The following PCM1 variants were observed in gnomAD, a reference collection of about 807,000 sequenced individuals.
PCM1 encodes pericentriolar material 1, also known as pericentriolar material 1 protein.
In PCM1, 157 loss-of-function variants were observed where a neutral mutation model predicts 241.9. The ratio of observed to expected loss-of-function variants is 0.65; its 90% CI spans 0.57 to 0.74. PCM1 has a LOEUF of 0.74. Ranked by LOEUF, PCM1 falls within the 30% of genes least tolerant of loss-of-function variation. PCM1 has a pLI of 0.00. For missense variants in PCM1, 3,478 were observed against 2,360.1 expected (o/e 1.47, Z -9.81); for synonymous variants, 1,085 against 784.9 (o/e 1.38, Z -6.39).
chr8:17,965,291 C>T lies in PCM1; in HGVS notation c.2855+523C>T, dbSNP rs147584505. Among the ~76,000 whole-genome samples the T allele has an allele frequency of 1.1e-3, 173 of 152,238 alleles. 1 individual carries two copies. The highest frequency in any genetic ancestry group is 2.0e-3 in the Non-Finnish European group (133 of 68,024). On this transcript the variant is annotated intron_variant, in intron 18 of 38. Transcript: ENST00000325083. ...TACGGTTTTTTAGGAGATTTCATTG[C>T]TTAAGCGCAATTGATAAAATTGTTG...
chr8:17,979,123 C>CAAAAG (rs1414458449), intron 23 of PCM1, among the ~76,000 whole-genome samples: 1 of 100,022 alleles, frequency 1.0e-5, no homozygotes, highest in Non-Finnish European at 2.0e-5. Flanking sequence ...GACTCAGTCT[C>CAAAAG]AAAAGAAAAG....
intron 7 of PCM1, among the ~76,000 whole-genome samples, chr8:17,949,087 T>C (rs966276024): frequency 5.3e-5 from 8 of 152,188 alleles, no homozygotes; most frequent in Admixed American, 3.3e-4. Flanking sequence ...TAATTTCTTT[T>C]TAAAAAATAC....
intron 2 of PCM1, among the ~76,000 whole-genome samples, chr8:17,933,080 A>C (rs1038570614): frequency 1.3e-5 from 2 of 152,178 alleles, no homozygotes; most frequent in African/African-American, 4.8e-5. Flanking sequence ...ATCTTTTTCA[A>C]ATCTGTTAGC....
At chr8:17,931,589 T>G (rs1333410696) in intron 2 of PCM1, among the ~76,000 whole-genome samples, 1 of 152,234 alleles carries the variant, frequency 6.6e-6, no homozygotes. Flanking sequence ...ATTACTTCAT[T>G]ATTCTATTAA....
intron 2 of PCM1, chr8:17,927,043 C>T (rs1257821051): frequency 1.3e-5 from 2 of 151,146 alleles, no homozygotes; most frequent in Admixed American, 1.3e-4. Context: ...ACAGGCATAT[C>T]TTGGATATTT....
intron 32 of PCM1, among the ~76,000 whole-genome samples, 164 bp from the exon 33 acceptor site, chr8:18,011,072 AC>A (rs1312476222): frequency 6.6e-6 from 1 of 152,192 alleles, no homozygotes; most frequent in African/African-American, 2.4e-5. Flanking sequence ...TCATCAAATG[AC>A]CTTTTTCCTG....
intron 23 of PCM1, among the ~76,000 whole-genome samples, chr8:17,973,564 C>T (rs1253631879): frequency 6.6e-6 from 1 of 151,850 alleles, no homozygotes; most frequent in Non-Finnish European, 1.5e-5. Flanking sequence ...ACTAAAAGTA[C>T]AAAAATTAGC....
At chr8:17,975,821 T>C (rs1414763517) in intron 23 of PCM1, among the ~76,000 whole-genome samples, 4 of 152,202 alleles carry the variant, frequency 2.6e-5, no homozygotes, top group Admixed American at 6.5e-5. Flanking sequence ...AAAATAGATA[T>C]TGCATATGAG....
At position 18,000,584 on chromosome 8, in the gene PCM1, G is replaced by A. The variant is rs577480879; in HGVS notation, c.4828-5679G>A. ...AATACGATTTACCAAAATGAAGAAGGCTTGGGAGAAGGGGGAGATGAAGAG... is the reference window on the plus strand; with the variant it reads ...AATACGATTTACCAAAATGAAGAAGACTTGGGAGAAGGGGGAGATGAAGAG... On this transcript the variant is annotated intron_variant, in intron 29 of 38. Transcript: ENST00000325083. Among the ~76,000 whole-genome samples, 28 of 150,868 alleles carry A rather than the reference G, an allele frequency of 1.9e-4. No individual in the cohort carries two copies. In the East Asian group the frequency reaches 2.9e-3, roughly 16 times the overall value.
At chr8:18,017,089 A>G (rs1174045638) in intron 36 of PCM1, among the ~76,000 whole-genome samples, 2 of 152,200 alleles carry the variant, frequency 1.3e-5, no homozygotes, top group African/African-American at 2.4e-5. Flanking sequence ...TCAGAAGAGT[A>G]TTGCCAACCC....
At position 17,957,748 on chromosome 8, in the gene PCM1, G is replaced by A. The variant is rs1198759189; in HGVS notation, c.2013G>A (p.Gln671=). Residue 671 remains glutamine, a synonymous_variant, in exon 13 of 39, where the codon CAG becomes CAA. Coordinates refer to ENST00000325083, the MANE Select transcript of PCM1 (RefSeq NM_006197.4). ...RLMAAKQKLR[Q]LQDLVAMVQD... ...TGGCTGCAAAACAGAAACTTAGACA[G>A]TTACAAGATCTTGTTGCTATGGTAC... 3 of 1,612,952 alleles carry A rather than the reference G, an allele frequency of 1.9e-6. No individual in the cohort carries two copies. Among genetic ancestry groups the A allele is most frequent in the African/African-American group, 2.7e-5 (2 of 74,908 alleles).
chr8:17,954,596 C>G (rs1325229702), intron 9 of PCM1, among the ~76,000 whole-genome samples: 1 of 152,068 alleles, frequency 6.6e-6, no homozygotes, highest in Admixed American at 6.5e-5. Context: ...AAAAGGTAGA[C>G]TCGTCAAGGA....
At chr8:18,018,988 G>C (rs2093538165) in intron 36 of PCM1, among the ~76,000 whole-genome samples, 1 of 150,102 alleles carries the variant, frequency 6.7e-6, no homozygotes, top group Admixed American at 6.7e-5. Context: ...GTCAATCCAA[G>C]ATTTCCTGCT....
Position 17,960,065 on chromosome 8 carries a change from G to T in PCM1, c.2092G>T (p.Asp698Tyr). 6.2e-7 allele frequency: 1 copy of T among 1,612,226 alleles called. No homozygotes were observed. The highest frequency in any genetic ancestry group is 8.5e-7 in the Non-Finnish European group (1 of 1,178,996). ...CTCTGCCAGTGCATCAAATTTGGAT[G>T]ATTTCTACCCAGCAGAAGAAGACAC... ...VISASASNLD[D>Y]FYPAEEDTKQ... is the part of the protein sequence containing the mutation. The change falls in exon 14 of 39, where the codon GAT (aspartate) becomes TAT (tyrosine). Residue 698 changes from aspartate to tyrosine, a missense_variant. By Grantham distance (160) the Asp-to-Tyr change is radical. Transcript: ENST00000325083.
chr8:17,928,440 A>G (rs1462978906), intron 2 of PCM1, among the ~76,000 whole-genome samples: 1 of 151,958 alleles, frequency 6.6e-6, no homozygotes, highest in Non-Finnish European at 1.5e-5. Flanking sequence ...ACATCTGCTA[A>G]GCAGCCTCCA....
intron 8 of PCM1, among the ~76,000 whole-genome samples, 167 bp from the exon 9 acceptor site, chr8:17,952,803 G>A (rs769702321): frequency 1.1e-4 from 16 of 152,018 alleles, no homozygotes; most frequent in Non-Finnish European, 1.5e-4. Context: ...TGGCATATCA[G>A]GAAACCGTAT....
chr8:17,996,280 C>G (rs1175854247), intron 29 of PCM1, among the ~76,000 whole-genome samples: 1 of 152,116 alleles, frequency 6.6e-6, no homozygotes, highest in Admixed American at 6.5e-5. Context: ...TTTTCAGCAT[C>G]AGTTAAAATG....
intron 23 of PCM1, among the ~76,000 whole-genome samples, chr8:17,975,193 T>C (rs2078306198): frequency 6.6e-6 from 1 of 152,188 alleles, no homozygotes; most frequent in South Asian, 2.1e-4. Context: ...CCTTTTGTGC[T>C]ATAGGAATGG....
intron 4 of PCM1, 33 bp from the exon 5 acceptor site, chr8:17,938,707 G>A (rs764221034): frequency 1.3e-6 from 2 of 1,565,812 alleles, no homozygotes; most frequent in Non-Finnish European, 1.8e-6. Context: ...TAAGGTTAAT[G>A]TTTGTGTGAT....
Sources: gnomAD v4.1 joint callset for allele counts (sites outside exome capture counted in the v4.1 genomes callset) on GRCh38, gnomAD v4.1.1 for gene constraint, MANE v1.5 for transcripts, NCBI Gene and HGNC (gene_info 2026-07-23, HGNC 2026-07-21) for gene names.